Variants in SDK1 observed in about 807,000 individuals in gnomAD.
SDK1 encodes protein sidekick-1.
SDK1 carries 157 observed loss-of-function variants against 245.5 expected under a neutral mutation model. The ratio of observed to expected loss-of-function variants is 0.64; its 90% CI spans 0.56 to 0.73. The LOEUF is 0.73. Among genes scored for constraint, SDK1 ranks in the 30% least tolerant of loss-of-function variants. The probability of loss-of-function intolerance (pLI) is 0.00; values close to 1 mark genes in which losing one functional copy is unlikely to be tolerated. For synonymous variants in SDK1, 1,647 were observed against 1,278.5 expected (o/e 1.29, Z -6.15); for missense variants, 3,583 against 3,002.3 (o/e 1.19, Z -4.52).
At chr7:3,444,158 T>G (rs1162119453) in intron 1 of SDK1, among the ~76,000 whole-genome samples, 7 of 152,210 alleles carry the variant, frequency 4.6e-5, no homozygotes, top group African/African-American at 1.7e-4. Context: ...CTGTCCTTAT[T>G]TATAAGACAG....
rs1384380013 is a variant in SDK1, at chr7:3,744,738, G to GCTT, written c.714-76712_714-76711insCTT. The stretch of plus-strand genomic sequence containing the variant: ...GAGGCAGGAGAATGGCGTGAACCCG[G>GCTT]GAGGTGGAGGTTGCAGTGAGCGGAG... On this transcript the variant is annotated intron_variant, in intron 4 of 44. Transcript: ENST00000404826. Among the ~76,000 whole-genome samples the GCTT allele has an allele frequency of 9.3e-4, 142 of 152,134 alleles. 1 individual carries two copies. Among genetic ancestry groups the GCTT allele is most frequent in the African/African-American group, 3.4e-3 (139 of 41,476 alleles).
chr7:3,941,323 A>G (rs1245400000), intron 5 of SDK1, among the ~76,000 whole-genome samples: 1 of 151,966 alleles, frequency 6.6e-6, no homozygotes, highest in Non-Finnish European at 1.5e-5. Flanking sequence ...CACCCGCTCT[A>G]GACAGTGTGC....
At chr7:3,615,879 CTT>C (rs200942027) in intron 1 of SDK1, among the ~76,000 whole-genome samples, 2 of 138,510 alleles carry the variant, frequency 1.4e-5, no homozygotes, top group Admixed American at 7.2e-5. Flanking sequence ...TTTTTGCTGT[CTT>C]TTTTTTTTTT....
intron 1 of SDK1, among the ~76,000 whole-genome samples, chr7:3,364,382 C>T (rs970134916): frequency 5.3e-5 from 8 of 152,078 alleles, no homozygotes; most frequent in South Asian, 2.1e-4. Flanking sequence ...AAAATTTTCT[C>T]GTGTGTTGGT....
intron 18 of SDK1, among the ~76,000 whole-genome samples, chr7:4,049,751 T>G (rs1371790139): frequency 6.6e-6 from 1 of 152,134 alleles, no homozygotes; most frequent in Non-Finnish European, 1.5e-5. Flanking sequence ...TCTCAGTGAT[T>G]AGAATGAATA....
chr7:4,030,500 G>C (rs1018460927), intron 17 of SDK1, among the ~76,000 whole-genome samples: 6 of 152,184 alleles, frequency 3.9e-5, no homozygotes, highest in Non-Finnish European at 5.9e-5. Context: ...TGAGGTGACA[G>C]GACTCCTGCC....
At chr7:4,197,512 A>G (rs1783653288) in intron 35 of SDK1, among the ~76,000 whole-genome samples, 1 of 152,186 alleles carries the variant, frequency 6.6e-6, no homozygotes, top group Admixed American at 6.5e-5. Flanking sequence ...ATTTGAAAAC[A>G]TTCTTCCACA....
chr7:4,124,986 G>C (rs537631348), intron 25 of SDK1, among the ~76,000 whole-genome samples: 1 of 151,156 alleles, frequency 6.6e-6, no homozygotes, highest in Non-Finnish European at 1.5e-5. Context: ...TGTATGGATG[G>C]ATGATAGATG....
chr7:3,938,409 G>A (rs1406357526), intron 5 of SDK1, among the ~76,000 whole-genome samples: 10 of 152,068 alleles, frequency 6.6e-5, no homozygotes, highest in South Asian at 2.1e-4. Context: ...TTGGGAGGCC[G>A]AGGCGGGAGG....
intron 4 of SDK1, among the ~76,000 whole-genome samples, chr7:3,737,543 C>G (rs761785076): frequency 6.6e-6 from 1 of 152,340 alleles, no homozygotes; most frequent in East Asian, 1.9e-4. Flanking sequence ...GGTGACTGCC[C>G]TCCCTGGCCA....
intron 1 of SDK1, among the ~76,000 whole-genome samples, chr7:3,379,257 G>A (rs1781426943): frequency 1.3e-5 from 2 of 152,172 alleles, no homozygotes; most frequent in Non-Finnish European, 1.5e-5. Flanking sequence ...CTTATGTATG[G>A]TCTTGTTGGG....
chr7:3,892,045 T>G (rs1781473130), intron 5 of SDK1, among the ~76,000 whole-genome samples: 1 of 152,186 alleles, frequency 6.6e-6, no homozygotes, highest in South Asian at 2.1e-4. Context: ...TCTTTTTTCT[T>G]TTTCTTTTTT....
At chr7:3,814,424 G>A (rs1408430647) in intron 4 of SDK1, among the ~76,000 whole-genome samples, 1 of 151,146 alleles carries the variant, frequency 6.6e-6, no homozygotes, top group African/African-American at 2.5e-5. Context: ...GATAGTTGTA[G>A]GTATGCGGCG....
rs1783845694 is a variant in SDK1, at chr7:3,674,972, A to T, written c.713+32867A>T. ...TGGATAGAAGCATAGTGACCTGAGG[A>T]ACAATAGTCTTCTTGGTGTGTGGGC... is the stretch of plus-strand genomic sequence containing the variant. On this transcript the variant is annotated intron_variant, in intron 4 of 44. Transcript: ENST00000404826. Among the ~76,000 whole-genome samples the T allele has an allele frequency of 2.0e-5, 3 of 152,140 alleles. 1 individual carries two copies. The South Asian group carries it at 6.2e-4, about 32-fold the overall frequency.
At chr7:3,965,898 A>G (rs1782047983) in intron 9 of SDK1, among the ~76,000 whole-genome samples, 2 of 151,784 alleles carry the variant, frequency 1.3e-5, no homozygotes, top group African/African-American at 2.4e-5. Context: ...GCCTTGGAGG[A>G]GCAAGCTCGG....
At chr7:3,410,109 C>A (rs563007380) in intron 1 of SDK1, among the ~76,000 whole-genome samples, 1 of 152,086 alleles carries the variant, frequency 6.6e-6, no homozygotes, top group African/African-American at 2.4e-5. Flanking sequence ...ATAAGTAATA[C>A]TTAAGTGTTA....
At chr7:3,519,289 T>A (rs1358695057) in intron 1 of SDK1, among the ~76,000 whole-genome samples, 9 of 152,100 alleles carry the variant, frequency 5.9e-5, no homozygotes, top group Admixed American at 6.6e-5. Flanking sequence ...TATTGACTGT[T>A]CCCAACACAA....
intron 4 of SDK1, among the ~76,000 whole-genome samples, chr7:3,688,788 C>T (rs1011689745): frequency 6.6e-6 from 1 of 152,178 alleles, no homozygotes; most frequent in African/African-American, 2.4e-5. Context: ...GTCTTTCAGG[C>T]CTCAGTTTGG....
At chr7:3,685,155 GA>G (rs1784237031) in intron 4 of SDK1, among the ~76,000 whole-genome samples, 2 of 151,130 alleles carry the variant, frequency 1.3e-5, no homozygotes, top group Non-Finnish European at 2.9e-5. Context: ...CCTCAAATAG[GA>G]TAAATGCAAA....
Sources: allele counts gnomAD v4.1 joint callset (sites outside exome capture counted in the v4.1 genomes callset), GRCh38; gene constraint gnomAD v4.1.1; transcripts MANE v1.5; gene names NCBI Gene and HGNC (gene_info 2026-07-23, HGNC 2026-07-21).